The following MYH10 variants were observed in gnomAD, a reference collection of about 807,000 sequenced individuals.
The protein encoded by MYH10 is myosin-10.
MYH10 carries 55 observed loss-of-function variants against 257.8 expected under a neutral mutation model. The observed-to-expected ratio is 0.21, with a 90% confidence interval of 0.17 to 0.27. MYH10 has a LOEUF of 0.27. Ranked by LOEUF, MYH10 falls within the 10% of genes least tolerant of loss-of-function variation. The pLI is 1.00. For missense variants in MYH10, 1,631 were observed against 2,500.6 expected, an observed-to-expected ratio of 0.65 and a Z score of 7.42; for synonymous variants, 854 against 921.7, an observed-to-expected ratio of 0.93 and a Z score of 1.33.
chr17:8,481,402 G>C lies in MYH10; in HGVS notation c.5184C>G (p.Ala1728=), dbSNP rs138895189. 9.3e-6 allele frequency: 15 copies of C among 1,613,922 alleles called. No individual in the cohort carries two copies. In the African/African-American group the frequency reaches 1.6e-4, roughly 17 times the overall value. The part of the protein sequence containing the change: ...AEILQLQEEL[A]SSERARRHAE... ...CGTGTCGGCGGGCTCGCTCAGATGA[G>C]GCAAGTTCCTAAGCAGTGGAGACTG... is the stretch of plus-strand genomic sequence containing the variant. Residue 1728 remains alanine, a synonymous_variant, in exon 38 of 43, where the codon GCC becomes GCG. Transcript: ENST00000360416.
At chr17:8,627,928 G>A (rs1598016889) in intron 1 of MYH10, among the ~76,000 whole-genome samples, 1 of 152,230 alleles carries the variant, frequency 6.6e-6, no homozygotes, top group East Asian at 1.9e-4. Context: ...AGGGCACACA[G>A]CTAACAAGTA....
chr17:8,528,662 T>C (rs529591939), intron 17 of MYH10, among the ~76,000 whole-genome samples: 66 of 152,312 alleles, frequency 4.3e-4, no homozygotes, highest in African/African-American at 1.4e-3. Context: ...GCTTACCATA[T>C]GTCAGCACGT....
chr17:8,572,627 G>C (rs1432401545), intron 6 of MYH10, among the ~76,000 whole-genome samples: 2 of 152,112 alleles, frequency 1.3e-5, no homozygotes, highest in Non-Finnish European at 2.9e-5. Context: ...AGAACTATTT[G>C]GGGAGGGGAT....
At chr17:8,514,538 C>T (rs1449974630) in intron 21 of MYH10, among the ~76,000 whole-genome samples, 1 of 152,168 alleles carries the variant, frequency 6.6e-6, no homozygotes, top group Non-Finnish European at 1.5e-5. Flanking sequence ...CTCAGCCCCA[C>T]AGCAGGGTCT....
At chr17:8,515,893 T>G (rs2081453418) in intron 21 of MYH10, among the ~76,000 whole-genome samples, 1 of 152,134 alleles carries the variant, frequency 6.6e-6, no homozygotes, top group African/African-American at 2.4e-5. Context: ...AAAACAAAAG[T>G]TTCAAAAATG....
intron 17 of MYH10, among the ~76,000 whole-genome samples, chr17:8,524,897 A>G (rs1175668331): frequency 6.6e-6 from 1 of 152,040 alleles, no homozygotes; most frequent in African/African-American, 2.4e-5. Flanking sequence ...GACACACCAC[A>G]CTCATGAGCT....
rs376301465 is a variant in MYH10, at chr17:8,490,335, C to T, written c.4884+5G>A. ...TTGTTGTGGAGGCCGCACCCTCTGC[C>T]CTACCTGTTTGATCAGCAGCCGCTT... On this transcript the variant is annotated splice_donor_5th_base_variant and intron_variant, in intron 35 of 42. Coordinates refer to ENST00000360416, the MANE Select transcript of MYH10 (RefSeq NM_001256012.3). This position sits in a 1 kb window ranked among gnomAD's most constrained non-coding sequence, Gnocchi z 4.1. 3.9e-5 allele frequency: 63 copies of T among 1,612,964 alleles called. No individual in the cohort carries two copies. The East Asian group carries it at 1.4e-3, about 35-fold the overall frequency.
At chr17:8,491,764 A>G (rs1171772032) in intron 34 of MYH10, among the ~76,000 whole-genome samples, 1 of 152,192 alleles carries the variant, frequency 6.6e-6, no homozygotes, top group Non-Finnish European at 1.5e-5. Flanking sequence ...GGGTAAATAA[A>G]TATCATGGCA....
chr17:8,476,269 A>G (rs1325986561), intron 42 of MYH10, among the ~76,000 whole-genome samples: 1 of 152,252 alleles, frequency 6.6e-6, no homozygotes, highest in Non-Finnish European at 1.5e-5. Flanking sequence ...CCAGATAGCA[A>G]AGTGGGCCAC....
chr17:8,614,347 G>T, intron 2 of MYH10, among the ~76,000 whole-genome samples: 1 of 104,472 alleles, frequency 9.6e-6, no homozygotes, highest in Non-Finnish European at 1.7e-5. Flanking sequence ...ATGGATTCTC[G>T]CTCTGTTGTT....
At position 8,506,335 on chromosome 17, in the gene MYH10, C is replaced by T. The variant is rs2081073901; in HGVS notation, c.3369G>A (p.Leu1123=). Residue 1123 remains leucine, a synonymous_variant, in exon 27 of 43, where the codon CTG becomes CTA. Transcript: ENST00000360416. The surrounding 1 kb of genome is among the most constrained non-coding windows in gnomAD (Gnocchi z 5.0). ...CTGCAGACCTGGCCAGTGCGCCCTGCAGCTCCTCCTCCTTCTTGGCCAGCT... is the reference window on the plus strand; with the variant it reads ...CTGCAGACCTGGCCAGTGCGCCCTGTAGCTCCTCCTCCTTCTTGGCCAGCT... The part of the protein sequence containing the change: ...KLQLAKKEEE[L]QGALARGDDE... The T allele has an allele frequency of 2.5e-6, 4 of 1,602,728 alleles. No homozygotes were observed. The African/African-American group carries it at 5.4e-5, about 22-fold the overall frequency.
chr17:8,603,281 C>T (rs1246400590), intron 3 of MYH10, among the ~76,000 whole-genome samples: 1 of 152,176 alleles, frequency 6.6e-6, no homozygotes, highest in African/African-American at 2.4e-5. Context: ...AAAGGGGGCA[C>T]ACACCCTTTG....
intron 1 of MYH10, among the ~76,000 whole-genome samples, chr17:8,629,892 G>A (rs956352678): frequency 3.3e-5 from 5 of 151,404 alleles, no homozygotes; most frequent in Non-Finnish European, 7.4e-5. Context: ...CTCCTTCCCC[G>A]GCGCCGGCGG....
chr17:8,544,154 G>A (rs987243382), intron 13 of MYH10, among the ~76,000 whole-genome samples: 3 of 152,094 alleles, frequency 2.0e-5, no homozygotes, highest in Non-Finnish European at 4.4e-5. Context: ...TTTCCTAAAG[G>A]TGGGCATTTA....
chr17:8,546,528 T>C lies in MYH10; in HGVS notation c.1278+16A>G. The C allele has an allele frequency of 6.3e-7, 1 of 1,590,952 alleles. No individual in the cohort carries two copies. The highest frequency in any genetic ancestry group is 1.3e-5 in the African/African-American group (1 of 74,542). On this transcript the variant is annotated intron_variant, in intron 12 of 42. Coordinates refer to ENST00000360416, the MANE Select transcript of MYH10 (RefSeq NM_001256012.3). ...CATTCAAACAAATCAGTAATAACAA[T>C]GAACATGAAACCTACCTGTTCTTTG...
At chr17:8,505,838 A>G (rs11650530) in intron 27 of MYH10, 76,970 of 152,018 alleles carry the variant, frequency 0.51, 20,387 homozygotes, top group Middle Eastern at 0.62. Flanking sequence ...AAAATTAGCC[A>G]GTGTGGTGGT....
Position 8,556,194 on chromosome 17 carries a change from C to G in MYH10, c.757-2176G>C, listed in dbSNP as rs532018814. The stretch of plus-strand genomic sequence containing the variant: ...ACCCTGGTGAGAAGGCAAAACGGTA[C>G]AGCCAGTTTGCCAGTTTCTCACGGC... On this transcript the variant is annotated intron_variant, in intron 7 of 42. Transcript: ENST00000360416. Among the ~76,000 whole-genome samples the G allele has an allele frequency of 7.9e-5, 12 of 152,338 alleles. No individual in the cohort carries two copies. In the South Asian group the frequency reaches 2.3e-3, roughly 29 times the overall value.
intron 1 of MYH10, among the ~76,000 whole-genome samples, chr17:8,627,618 C>T (rs764595409): frequency 5.9e-5 from 9 of 152,182 alleles, no homozygotes; most frequent in Non-Finnish European, 8.8e-5. Flanking sequence ...TAATTCTTCA[C>T]TTGTAATTGT....
intron 21 of MYH10, among the ~76,000 whole-genome samples, chr17:8,516,916 A>T (rs1347150367): frequency 6.6e-6 from 1 of 152,124 alleles, no homozygotes; most frequent in Non-Finnish European, 1.5e-5. Context: ...AGGCGGGTGG[A>T]TCACAAGGTC....
Sources: gnomAD v4.1 joint callset for allele counts (sites outside exome capture counted in the v4.1 genomes callset) on GRCh38, gnomAD v4.1.1 for gene constraint, Gnocchi (gnomAD v3.1) non-coding constraint, MANE v1.5 for transcripts, NCBI Gene and HGNC (gene_info 2026-07-23, HGNC 2026-07-21) for gene names.